The following WASF1 variants were observed in gnomAD, a reference collection of about 807,000 sequenced individuals.
WASF1 encodes the protein actin-binding protein WASF1.
WASF1 carries 7 observed loss-of-function variants against 50.5 expected under a neutral mutation model. That is an observed-to-expected ratio of 0.14 (90% CI 0.08 to 0.26). WASF1 has a LOEUF of 0.26. Ranked by LOEUF, WASF1 falls within the 10% of genes least tolerant of loss-of-function variation. The pLI is 1.00. For missense variants in WASF1, 470 were observed against 694.7 expected, an observed-to-expected ratio of 0.68 and a Z score of 3.64; for synonymous variants, 205 against 244.0, an observed-to-expected ratio of 0.84 and a Z score of 1.49.
intron 2 of WASF1, among the ~76,000 whole-genome samples, chr6:110,172,919 A>C (rs1365226680): frequency 6.6e-6 from 1 of 152,122 alleles, no homozygotes; most frequent in Non-Finnish European, 1.5e-5. Context: ...TAAATCTATA[A>C]AAATAATTTT....
intron 8 of WASF1, 48 bp from the exon 9 acceptor site, chr6:110,103,605 G>A: frequency 1.3e-6 from 2 of 1,493,774 alleles, no homozygotes; most frequent in Admixed American, 1.9e-5. Context: ...ATTATTGGGA[G>A]GAAAGGGTTC....
intron 2 of WASF1, among the ~76,000 whole-genome samples, chr6:110,177,938 A>G (rs1456203244): frequency 6.7e-6 from 1 of 149,196 alleles, no homozygotes; most frequent in Non-Finnish European, 1.5e-5. Flanking sequence ...GTGGTTTCTT[A>G]TATTTGCAAA....
chr6:110,102,305 T>TC, intron 9 of WASF1, 89 bp from the exon 10 acceptor site: 1 of 1,270,444 alleles, frequency 7.9e-7, no homozygotes, highest in Non-Finnish European at 1.0e-6. Context: ...TGACTATCAG[T>TC]AATTATATCA....
rs551123568 is a variant in WASF1 at position 110,099,972 on chromosome 6, G to T, written c.*550C>A. The T allele has an allele frequency of 1.3e-5, 2 of 152,660 alleles. No homozygotes were observed. Among genetic ancestry groups the T allele is most frequent in the South Asian group, 4.2e-4 (2 of 4,812 alleles). The allele number at this position is 152,660 out of a possible 1,614,324, so 9.5% of individuals were successfully genotyped here. A position where few individuals can be genotyped will look rare whatever the true frequency, so the allele number is the denominator to read the frequency against. ...TCACACAATATATAAGTGGGAAGGG[G>T]ATACTGCTAAACATTCAAATAAGGC... On this transcript the variant is annotated 3_prime_UTR_variant, in exon 11 of 11. Coordinates refer to ENST00000392589, the MANE Select transcript of WASF1 (RefSeq NM_003931.3).
In WASF1 at chr6:110,121,751, A is replaced by T. The variant is rs1774139482; in HGVS notation, c.133+5718T>A. 2.0e-5 allele frequency among the ~76,000 whole-genome samples: 3 copies of T among 152,244 alleles called. No homozygotes were observed. The South Asian group carries it at 6.2e-4, about 32-fold the overall frequency. Reference sequence around the variant, plus strand: ...AATGCACATGTATGTTTATTGTGGCACTATTTACAATAGTAAAGACTTGGA... The same window carrying T: ...AATGCACATGTATGTTTATTGTGGCTCTATTTACAATAGTAAAGACTTGGA... On this transcript the variant is annotated intron_variant, in intron 4 of 10. Transcript: ENST00000392589.
chr6:110,172,918 A>C (rs1776777966), intron 2 of WASF1, among the ~76,000 whole-genome samples: 1 of 152,106 alleles, frequency 6.6e-6, no homozygotes, highest in South Asian at 2.1e-4. Context: ...CTAAATCTAT[A>C]AAAATAATTT....
At chr6:110,124,214 T>TC (rs1562170136) in intron 4 of WASF1, among the ~76,000 whole-genome samples, 5 of 71,052 alleles carry the variant, frequency 7.0e-5, no homozygotes, top group African/African-American at 3.3e-4. Context: ...TCTCTCTCTC[T>TC]CTCCTCTCTC....
At chr6:110,145,798 T>A (rs1237297691) in intron 3 of WASF1, among the ~76,000 whole-genome samples, 1 of 152,004 alleles carries the variant, frequency 6.6e-6, no homozygotes, top group Non-Finnish European at 1.5e-5. Flanking sequence ...TATTATGCAG[T>A]CATAAAAAAT....
Position 110,100,333 on chromosome 6 carries a change from GC to G in WASF1, c.*188del. The G allele has an allele frequency of 1.8e-6, 1 of 548,576 alleles. No individual in the cohort carries two copies. Among genetic ancestry groups the G allele is most frequent in the South Asian group, 3.3e-5 (1 of 30,582 alleles). 34.0% of individuals were successfully genotyped at this position (548,576 alleles called of 1,614,324 possible). ...CTTTTCAGGGGGAAAAAAAAGATAA[GC>G]CACTGTAAAACATTTAGTTTGAAAT... On this transcript the variant is annotated 3_prime_UTR_variant, in exon 11 of 11. Transcript: ENST00000392589.
At chr6:110,120,591 C>T (rs145066537) in intron 4 of WASF1, among the ~76,000 whole-genome samples, 16 of 149,360 alleles carry the variant, frequency 1.1e-4, no homozygotes, top group African/African-American at 3.7e-4. Context: ...GAATCAATAC[C>T]GTGAAAATGG....
At chr6:110,132,546 A>C (rs180938048) in intron 3 of WASF1, among the ~76,000 whole-genome samples, 24 of 151,764 alleles carry the variant, frequency 1.6e-4, no homozygotes, top group Non-Finnish European at 3.2e-4. Flanking sequence ...TTATTATTTT[A>C]TTTTAATAAG....
intron 3 of WASF1, among the ~76,000 whole-genome samples, chr6:110,132,372 T>C (rs1385404467): frequency 6.6e-6 from 1 of 151,844 alleles, no homozygotes; most frequent in Admixed American, 6.6e-5. Flanking sequence ...TTTAATACAA[T>C]GTGAAATACG....
intron 3 of WASF1, among the ~76,000 whole-genome samples, chr6:110,150,698 A>G (rs111927611): frequency 5.6e-4 from 85 of 152,342 alleles, no homozygotes; most frequent in Admixed American, 1.5e-3. Flanking sequence ...CAAATTGAAG[A>G]TTTTGAACTT....
intron 2 of WASF1, among the ~76,000 whole-genome samples, chr6:110,171,759 G>A (rs1461814847): frequency 6.6e-6 from 1 of 151,354 alleles, no homozygotes; most frequent in African/African-American, 2.4e-5. Context: ...TACAGAATGG[G>A]AGAAAATTTT....
intron 3 of WASF1, among the ~76,000 whole-genome samples, chr6:110,128,330 G>T (rs951537864): frequency 2.6e-5 from 4 of 151,974 alleles, no homozygotes; most frequent in African/African-American, 9.7e-5. Flanking sequence ...ACTATAATAG[G>T]GATTTTGTTC....
chr6:110,114,969 G>A (rs1289797013), intron 4 of WASF1, among the ~76,000 whole-genome samples: 2 of 151,994 alleles, frequency 1.3e-5, no homozygotes, highest in Non-Finnish European at 2.9e-5. Context: ...GTATGTGCCT[G>A]TAGTCCCAGC....
chr6:110,124,234 T>TC (rs1172544760), intron 4 of WASF1, among the ~76,000 whole-genome samples: 439 of 17,598 alleles, frequency 0.025, 15 homozygotes, highest in Middle Eastern at 0.033. Flanking sequence ...CTCCTCTCTC[T>TC]CCTCTCTCTC....
intron 3 of WASF1, among the ~76,000 whole-genome samples, chr6:110,137,325 T>A (rs1775013072): frequency 6.6e-6 from 1 of 152,212 alleles, no homozygotes; most frequent in African/African-American, 2.4e-5. Context: ...CAATAGAGGA[T>A]CAAGCCTTAT....
chr6:110,139,405 C>T (rs1254118636), intron 3 of WASF1, among the ~76,000 whole-genome samples: 11 of 152,226 alleles, frequency 7.2e-5, no homozygotes, highest in African/African-American at 1.7e-4. Flanking sequence ...GCTCCTCCCC[C>T]GTTGCAGCCA....
Sources: allele counts gnomAD v4.1 joint callset (sites outside exome capture counted in the v4.1 genomes callset), GRCh38; gene constraint gnomAD v4.1.1; transcripts MANE v1.5; gene names NCBI Gene and HGNC (gene_info 2026-07-23, HGNC 2026-07-21).